The following PMS1 variants were observed in gnomAD, a reference collection of about 807,000 sequenced individuals.
The protein encoded by PMS1 is PMS1 homolog 1, mismatch repair system component.
In PMS1, 79 loss-of-function variants were observed where a neutral mutation model predicts 93.1. The ratio of observed to expected loss-of-function variants is 0.85; its 90% confidence interval spans 0.71 to 1.02. The LOEUF (loss-of-function observed/expected upper bound fraction) is 1.02, where lower values mean the gene tolerates loss of function less well. Among genes scored for constraint, PMS1 ranks in the 50% least tolerant of loss-of-function variants. The pLI is 0.00. For synonymous variants in PMS1, 335 were observed against 363.4 expected (o/e 0.92, Z 0.89); for missense variants, 1,064 against 1,085.3 (o/e 0.98, Z 0.28).
intron 5 of PMS1, among the ~76,000 whole-genome samples, chr2:189,826,485 T>A (rs1250752827): frequency 2.6e-5 from 4 of 152,014 alleles, no homozygotes; most frequent in Non-Finnish European, 5.9e-5. Context: ...AATTAATGAT[T>A]ACTAAATTTA....
chr2:189,803,412 T>A (rs748097600), intron 3 of PMS1, among the ~76,000 whole-genome samples: 1 of 152,222 alleles, frequency 6.6e-6, no homozygotes, highest in African/African-American at 2.4e-5. Context: ...ATAACTAATA[T>A]AGCCTCCAAG....
intron 5 of PMS1, among the ~76,000 whole-genome samples, chr2:189,827,209 G>A (rs1405157787): frequency 1.3e-5 from 2 of 152,130 alleles, no homozygotes; most frequent in Non-Finnish European, 2.9e-5. Flanking sequence ...TTCCTTTACT[G>A]ATCCTCTAAC....
In PMS1 at chr2:189,795,884, A is replaced by G. The variant is rs1194866654; in HGVS notation, c.248A>G (p.Asp83Gly). 21 of 1,613,558 alleles carry G rather than the reference A, an allele frequency of 1.3e-5. No individual in the cohort carries two copies. Among genetic ancestry groups the G allele is most frequent in the Non-Finnish European group, 1.6e-5 (19 of 1,179,604 alleles). ...ACCTCAAAAATAAATAGTCATGAAG[A>G]TCTTGAAAATTTGACAACTTACGGT... ...YYTSKINSHE[D>G]LENLTTYGFR... Residue 83 changes from aspartate (D) to glycine (G), a missense_variant, in exon 3 of 13, where the codon GAT (aspartate) becomes GGT (glycine). Asp to Gly is a moderately conservative substitution (Grantham distance 94, BLOSUM62 -1). Coordinates refer to ENST00000441310, the MANE Select transcript of PMS1 (RefSeq NM_000534.5).
rs2106464665 is a variant in PMS1, at chr2:189,855,040, C to T, written c.1768C>T (p.Leu590Phe). 1 of 1,613,044 alleles carries T rather than the reference C, an allele frequency of 6.2e-7. No homozygotes were observed. The highest frequency in any genetic ancestry group is 8.5e-7 in the Non-Finnish European group (1 of 1,179,140). Residue 590 changes from leucine to phenylalanine, a missense_variant, in exon 9 of 13, where the codon CTC becomes TTC. Leu to Phe is a conservative substitution (Grantham distance 22, BLOSUM62 0). Coordinates refer to ENST00000441310, the MANE Select transcript of PMS1 (RefSeq NM_000534.5). ...LFVQDHRPQF[L>F]IENPKTSLED... ...TGTTCAAGATCATCGTCCTCAGTTT[C>T]TCATAGAAAATCCTAAGACTAGTTT...
chr2:189,843,330 C>T (rs902909886), intron 5 of PMS1, among the ~76,000 whole-genome samples: 4 of 152,092 alleles, frequency 2.6e-5, no homozygotes, highest in African/African-American at 9.7e-5. Flanking sequence ...TTGTTTCTCT[C>T]TCATCTCCAA....
At chr2:189,826,600 T>C (rs1397404304) in intron 5 of PMS1, among the ~76,000 whole-genome samples, 1 of 152,138 alleles carries the variant, frequency 6.6e-6, no homozygotes, top group Non-Finnish European at 1.5e-5. Flanking sequence ...TTTAGTGTAG[T>C]TTTATGTTTG....
chr2:189,804,680 A>G (rs1241269947), intron 3 of PMS1, among the ~76,000 whole-genome samples: 1 of 152,152 alleles, frequency 6.6e-6, no homozygotes, highest in Non-Finnish European at 1.5e-5. Flanking sequence ...ACCTTCAAAT[A>G]TAGACCCACT....
intron 5 of PMS1, among the ~76,000 whole-genome samples, chr2:189,839,386 T>C (rs768149067): frequency 4.6e-5 from 7 of 152,262 alleles, no homozygotes; most frequent in Non-Finnish European, 1.0e-4. Context: ...TCTCTGATCA[T>C]GGTATTTTCC....
At position 189,818,158 on chromosome 2, in the gene PMS1, G is replaced by A. The variant is rs772016473; in HGVS notation, c.560G>A (p.Arg187Lys). ...TTTGGTATCCTTAAACCTGACTTAA[G>A]GATTGTCTTTGTACATAACAAGGTA... Reference protein sequence around the residue: ...MSFGILKPDLRIVFVHNKAVI... With the variant: ...MSFGILKPDLKIVFVHNKAVI... Residue 187 changes from arginine (R) to lysine (K), a missense_variant, in exon 5 of 13, where the codon AGG (arginine) becomes AAG (lysine). Arg to Lys is a conservative substitution (Grantham distance 26). Transcript: ENST00000441310. 3 of 1,602,582 alleles carry A rather than the reference G, an allele frequency of 1.9e-6. No homozygotes were observed. In the Admixed American group the frequency reaches 5.0e-5, roughly 27 times the overall value.
chr2:189,871,004 T>C (rs256559), intron 11 of PMS1, among the ~76,000 whole-genome samples: 10,657 of 152,282 alleles, frequency 0.07, 554 homozygotes, highest in African/African-American at 0.15. Flanking sequence ...ATTTGGCTCA[T>C]GGTTCTGCAA....
At chr2:189,839,974 A>C (rs2053688086) in intron 5 of PMS1, among the ~76,000 whole-genome samples, 1 of 152,194 alleles carries the variant, frequency 6.6e-6, no homozygotes, top group Non-Finnish European at 1.5e-5. Flanking sequence ...AAATTTAAAT[A>C]GTCTACTTCA....
At chr2:189,874,576 TA>T (rs2057406668) in intron 12 of PMS1, among the ~76,000 whole-genome samples, 1 of 152,226 alleles carries the variant, frequency 6.6e-6, no homozygotes, top group South Asian at 2.1e-4. Flanking sequence ...AGATTGGTAT[TA>T]TTTAAAAAAC....
At chr2:189,791,681 A>G (rs895877918) in intron 1 of PMS1, 109 bp from the exon 2 acceptor site, 5 of 741,318 alleles carry the variant, frequency 6.7e-6, no homozygotes, top group African/African-American at 1.7e-5. Flanking sequence ...CGTAGCATAC[A>G]GTAAGTCTCA....
chr2:189,863,303 G>A (rs1003675805), intron 9 of PMS1, among the ~76,000 whole-genome samples: 2 of 150,866 alleles, frequency 1.3e-5, no homozygotes, highest in Admixed American at 1.3e-4. Flanking sequence ...GCCCAGGCTG[G>A]AGTGCAGTGG....
intron 2 of PMS1, among the ~76,000 whole-genome samples, chr2:189,792,727 T>G (rs1163701746): frequency 8.0e-6 from 1 of 124,852 alleles, no homozygotes; most frequent in Admixed American, 8.0e-5. Flanking sequence ...ATATGTAAAA[T>G]AAAATCCCTT....
At chr2:189,873,770 C>T (rs1218110065) in intron 12 of PMS1, 114 bp downstream of exon 12, 1 of 695,796 alleles carries the variant, frequency 1.4e-6, no homozygotes, top group Admixed American at 2.3e-5. Context: ...GCGGGCATCA[C>T]CACCTGAGCT....
At chr2:189,810,821 C>G (rs2050776416) in intron 4 of PMS1, among the ~76,000 whole-genome samples, 1 of 152,040 alleles carries the variant, frequency 6.6e-6, no homozygotes, top group Non-Finnish European at 1.5e-5. Flanking sequence ...AGCACTTTCT[C>G]TGGGAGAAAA....
At chr2:189,794,270 G>A (rs2106225702) in intron 2 of PMS1, among the ~76,000 whole-genome samples, 1 of 152,076 alleles carries the variant, frequency 6.6e-6, no homozygotes, top group East Asian at 1.9e-4. Flanking sequence ...GTGCCACCAT[G>A]CCCGGCTAAT....
At chr2:189,809,208 A>G (rs187586520) in intron 4 of PMS1, among the ~76,000 whole-genome samples, 1 of 152,174 alleles carries the variant, frequency 6.6e-6, no homozygotes, top group Non-Finnish European at 1.5e-5. Flanking sequence ...TGATATATTC[A>G]AGCAACCATA....
Sources: gnomAD v4.1 joint callset for allele counts (sites outside exome capture counted in the v4.1 genomes callset) on GRCh38, gnomAD v4.1.1 for gene constraint, MANE v1.5 for transcripts, NCBI Gene and HGNC (gene_info 2026-07-23, HGNC 2026-07-21) for gene names.